The following CAST variants were observed in gnomAD, a reference collection of about 807,000 sequenced individuals.
The protein encoded by CAST is MIR583 host.
A neutral mutation model predicts 119.6 loss-of-function variants in CAST; 76 were observed. The observed-to-expected ratio is 0.64, with a 90% confidence interval of 0.53 to 0.77. The LOEUF (loss-of-function observed/expected upper bound fraction) is 0.77, where lower values mean the gene tolerates loss of function less well. Among genes scored for constraint, CAST ranks in the 30% least tolerant of loss-of-function variants. The pLI, the probability that CAST is intolerant of heterozygous loss-of-function variation, is 0.00. For missense variants in CAST, 953 were observed against 946.5 expected, an observed-to-expected ratio of 1.01 and a Z score of -0.09; for synonymous variants, 319 against 331.6, an observed-to-expected ratio of 0.96 and a Z score of 0.41.
the CAST span, among the ~76,000 whole-genome samples, chr5:96,403,860 A>T: frequency 6.6e-6 from 1 of 152,208 alleles, no homozygotes; most frequent in African/African-American, 2.4e-5. Flanking sequence ...CAAAGGTTTC[A>T]TGCAGCATTG....
chr5:96,665,244 C>CT (rs1201382654), intron 1 of CAST, among the ~76,000 whole-genome samples: 1 of 152,218 alleles, frequency 6.6e-6, no homozygotes, highest in African/African-American at 2.4e-5. Flanking sequence ...CAAGGAGCCA[C>CT]TTTAACAACA....
the CAST span, among the ~76,000 whole-genome samples, chr5:96,285,853 C>T: frequency 6.6e-6 from 1 of 152,174 alleles, no homozygotes; most frequent in Admixed American, 6.5e-5. Context: ...AGTGGTTATA[C>T]TCAGTTCATT....
At chr5:95,961,748 G>C in the CAST span, 8 of 1,572,354 alleles carry the variant, frequency 5.1e-6, no homozygotes, top group African/African-American at 1.1e-4. Flanking sequence ...TGCCGCCGCC[G>C]CCGCCGCTCC....
the CAST span, among the ~76,000 whole-genome samples, chr5:96,436,179 A>G: frequency 6.6e-6 from 1 of 152,252 alleles, no homozygotes; most frequent in Admixed American, 6.5e-5. Flanking sequence ...CTGTAATTAA[A>G]CTAGAAGATT....
the CAST span, among the ~76,000 whole-genome samples, chr5:96,045,651 G>T: frequency 1.3e-5 from 2 of 152,074 alleles, no homozygotes; most frequent in Non-Finnish European, 2.9e-5. Flanking sequence ...TGTGTGCCAG[G>T]TAAAATTGCA....
chr5:96,195,465 AACAG>A, the CAST span, among the ~76,000 whole-genome samples: 2 of 152,194 alleles, frequency 1.3e-5, no homozygotes, highest in Admixed American at 6.5e-5. Context: ...AGCCTTGGAA[AACAG>A]ACAAAGTGAA....
the CAST span, among the ~76,000 whole-genome samples, chr5:96,309,223 C>T: frequency 2.0e-5 from 3 of 152,174 alleles, no homozygotes; most frequent in Admixed American, 1.3e-4. Context: ...CCGCCCAGTT[C>T]GAACTTCTTG....
chr5:96,729,228 G>A lies in CAST; in HGVS notation c.435+19G>A. 6.9e-7 allele frequency: 1 copy of A among 1,445,896 alleles called. No homozygotes were observed. The highest frequency in any genetic ancestry group is 1.2e-5 in the South Asian group (1 of 84,282). 89.6% of individuals were successfully genotyped at this position (1,445,896 alleles called of 1,614,324 possible). A position where few individuals can be genotyped will look rare whatever the true frequency, so the allele number is the denominator to read the frequency against. On this transcript the variant is annotated intron_variant, in intron 7 of 31. Transcript: ENST00000675179. The stretch of plus-strand genomic sequence containing the variant: ...CACAGAGGTAAATGATTATCATCAG[G>A]ACTTAATTATAAGGCAACCTCTTTT...
chr5:96,078,435 C>T, the CAST span, among the ~76,000 whole-genome samples: 2 of 151,702 alleles, frequency 1.3e-5, no homozygotes, highest in African/African-American at 4.9e-5. Context: ...CTTTTGTTGC[C>T]CAGCCTGGAG....
At chr5:96,314,667 C>T in the CAST span, among the ~76,000 whole-genome samples, 2 of 152,170 alleles carry the variant, frequency 1.3e-5, no homozygotes, top group Non-Finnish European at 2.9e-5. Context: ...ATATTACCTC[C>T]TTTATGATGT....
chr5:96,131,206 A>T, the CAST span, among the ~76,000 whole-genome samples: 1 of 152,140 alleles, frequency 6.6e-6, no homozygotes, highest in East Asian at 1.9e-4. Flanking sequence ...TACTAAAAAG[A>T]GTATATGTCT....
At chr5:96,443,850 T>C in the CAST span, among the ~76,000 whole-genome samples, 2 of 152,230 alleles carry the variant, frequency 1.3e-5, no homozygotes, top group Non-Finnish European at 2.9e-5. Context: ...TTAAGAATAC[T>C]TTAGTCTCAA....
At chr5:96,245,017 G>A in the CAST span, among the ~76,000 whole-genome samples, 4 of 152,112 alleles carry the variant, frequency 2.6e-5, no homozygotes, top group African/African-American at 9.7e-5. Flanking sequence ...CCTCTTTTTA[G>A]TAGAGGTAAT....
chr5:96,127,240 A>C, the CAST span, among the ~76,000 whole-genome samples: 1 of 152,086 alleles, frequency 6.6e-6, no homozygotes, highest in East Asian at 1.9e-4. Context: ...CATCATTACA[A>C]ATTACAATTT....
intron 1 of CAST, chr5:96,584,768 A>C (rs1253627130): frequency 6.6e-6 from 1 of 152,236 alleles, no homozygotes; most frequent in African/African-American, 2.4e-5. Context: ...GCAGCTGATT[A>C]GTTGGCACTG....
At chr5:96,596,509 CT>C (rs1374867058) in intron 1 of CAST, among the ~76,000 whole-genome samples, 4 of 152,156 alleles carry the variant, frequency 2.6e-5, no homozygotes, top group African/African-American at 9.7e-5. Flanking sequence ...GTTTGAGCCA[CT>C]AAGTGTGTTG....
the CAST span, among the ~76,000 whole-genome samples, chr5:95,984,887 C>T: frequency 4.0e-4 from 61 of 151,986 alleles, no homozygotes; most frequent in Non-Finnish European, 6.2e-4. Flanking sequence ...ATATTGATTA[C>T]GTGTTGAATA....
the CAST span, among the ~76,000 whole-genome samples, chr5:96,186,759 C>T: frequency 7.1e-3 from 1,074 of 152,130 alleles, 10 homozygotes; most frequent in African/African-American, 0.025. Context: ...TGCCAGTATT[C>T]GTTGACGATT....
Position 96,695,926 on chromosome 5 carries a change from A to T in CAST, c.210+19A>T, listed in dbSNP as rs965956529. On this transcript the variant is annotated intron_variant, in intron 3 of 31. Transcript: ENST00000675179. The stretch of plus-strand genomic sequence containing the variant: ...CACCAAGGTCAGTGATTTCCTGAAC[A>T]CGAAAAGACCCCTACTGTATTCTAC... 1.1e-5 allele frequency: 18 copies of T among 1,578,258 alleles called. No homozygotes were observed. Among genetic ancestry groups the T allele is most frequent in the Non-Finnish European group, 1.6e-5 (18 of 1,149,246 alleles).
Sources: gnomAD v4.1 joint callset for allele counts (sites outside exome capture counted in the v4.1 genomes callset) on GRCh38, gnomAD v4.1.1 for gene constraint, MANE v1.5 for transcripts, NCBI Gene and HGNC (gene_info 2026-07-23, HGNC 2026-07-21) for gene names.